Variants in LRRC4C observed in about 807,000 individuals in gnomAD.
LRRC4C encodes the protein leucine rich repeat containing 4C.
In LRRC4C, 5 loss-of-function variants were observed where a neutral mutation model predicts 33.6. The ratio of observed to expected loss-of-function variants is 0.15; its 90% CI spans 0.08 to 0.31. LRRC4C has a LOEUF of 0.31. Among genes scored for constraint, LRRC4C ranks in the 10% least tolerant of loss-of-function variants. The pLI is 1.00. For synonymous variants in LRRC4C, 329 were observed against 302.0 expected (o/e 1.09, Z -0.93); for missense variants, 560 against 796.7 (o/e 0.70, Z 3.58).
intron 5 of LRRC4C, among the ~76,000 whole-genome samples, chr11:40,221,856 C>A (rs928635335): frequency 6.6e-6 from 1 of 152,064 alleles, no homozygotes; most frequent in Non-Finnish European, 1.5e-5. Flanking sequence ...TCAAGTGCAC[C>A]CCCTTAGAGT....
At chr11:40,381,079 T>C (rs2137345208) in intron 3 of LRRC4C, among the ~76,000 whole-genome samples, 1 of 152,286 alleles carries the variant, frequency 6.6e-6, no homozygotes, top group Non-Finnish European at 1.5e-5. Flanking sequence ...TGGATGATTG[T>C]GCAATATACA....
At chr11:40,424,938 T>C (rs1950656984) in intron 3 of LRRC4C, among the ~76,000 whole-genome samples, 1 of 152,216 alleles carries the variant, frequency 6.6e-6, no homozygotes, top group South Asian at 2.1e-4. Flanking sequence ...ATAACAAATG[T>C]CAAAAAGCAA....
At chr11:40,449,162 G>T (rs1471618323) in intron 3 of LRRC4C, among the ~76,000 whole-genome samples, 1 of 151,990 alleles carries the variant, frequency 6.6e-6, no homozygotes, top group Non-Finnish European at 1.5e-5. Flanking sequence ...CAGATGGTTA[G>T]ATTGCAAAAA....
intron 5 of LRRC4C, among the ~76,000 whole-genome samples, chr11:40,239,533 C>A (rs1040365523): frequency 9.2e-5 from 14 of 152,142 alleles, no homozygotes; most frequent in Admixed American, 3.3e-4. Flanking sequence ...TTAAGACAAC[C>A]AATCACATAT....
At position 40,655,874 on chromosome 11, in the gene LRRC4C, T is replaced by C. The variant is rs148696453; in HGVS notation, c.-406-7596A>G. ...GACCTCAGGAAACTTACCATCATTGTGGAAGGTGGAGGGGAAGCTAGGCAA... is the reference window on the plus strand; with the variant it reads ...GACCTCAGGAAACTTACCATCATTGCGGAAGGTGGAGGGGAAGCTAGGCAA... On this transcript the variant is annotated intron_variant, in intron 2 of 6. Coordinates refer to ENST00000528697, the MANE Select transcript of LRRC4C (RefSeq NM_001258419.2). Among the ~76,000 whole-genome samples, 441 of 152,246 alleles carry C rather than the reference T, an allele frequency of 2.9e-3. 4 individuals carry two copies. The highest frequency in any genetic ancestry group is 0.01 in the African/African-American group (422 of 41,546).
At chr11:40,745,354 AT>A (rs769526522) in intron 2 of LRRC4C, among the ~76,000 whole-genome samples, 28 of 152,198 alleles carry the variant, frequency 1.8e-4, no homozygotes, top group Non-Finnish European at 3.2e-4. Flanking sequence ...ATGACAGACA[AT>A]GAGAGAGAAA....
intron 1 of LRRC4C, among the ~76,000 whole-genome samples, chr11:41,325,228 TG>T (rs1222815564): frequency 6.6e-6 from 1 of 152,184 alleles, no homozygotes; most frequent in African/African-American, 2.4e-5. Context: ...TCATGCTTCA[TG>T]CAAAATGTAT....
At chr11:40,463,428 C>T (rs16934865) in intron 3 of LRRC4C, among the ~76,000 whole-genome samples, 6,184 of 151,372 alleles carry the variant, frequency 0.041, 408 homozygotes, top group African/African-American at 0.14. Context: ...ACTATAGATA[C>T]TGAGTTTAAT....
intron 1 of LRRC4C, among the ~76,000 whole-genome samples, chr11:40,944,939 T>C (rs1385776841): frequency 6.6e-6 from 1 of 152,116 alleles, no homozygotes; most frequent in Non-Finnish European, 1.5e-5. Context: ...CATGCCACTA[T>C]GCAAGTTGAG....
At chr11:40,914,605 A>G (rs1956858972) in intron 2 of LRRC4C, among the ~76,000 whole-genome samples, 1 of 152,198 alleles carries the variant, frequency 6.6e-6, no homozygotes, top group African/African-American at 2.4e-5. Flanking sequence ...TGAATGGGCA[A>G]AAACTGGAAG....
At chr11:41,341,960 T>C (rs1164075155) in intron 1 of LRRC4C, among the ~76,000 whole-genome samples, 2 of 152,222 alleles carry the variant, frequency 1.3e-5, no homozygotes, top group African/African-American at 4.8e-5. Flanking sequence ...GAATTGACTG[T>C]ATGTTATCTA....
chr11:40,908,567 GA>G (rs1956530055), intron 2 of LRRC4C, among the ~76,000 whole-genome samples: 1 of 152,094 alleles, frequency 6.6e-6, no homozygotes, highest in South Asian at 2.1e-4. Flanking sequence ...AACCTCCGAA[GA>G]AGGTTCATTT....
chr11:40,166,214 T>A (rs576986609), intron 5 of LRRC4C, among the ~76,000 whole-genome samples: 11 of 152,214 alleles, frequency 7.2e-5, no homozygotes, highest in African/African-American at 2.6e-4. Context: ...ACTAGAAGTG[T>A]CCCAATCCCC....
chr11:40,966,212 CAT>C (rs1400394089), intron 1 of LRRC4C, among the ~76,000 whole-genome samples: 1 of 151,904 alleles, frequency 6.6e-6, no homozygotes, highest in Non-Finnish European at 1.5e-5. Context: ...TACAGTGCAA[CAT>C]GTCATGAAAG....
At chr11:40,868,744 T>A (rs1954490040) in intron 2 of LRRC4C, among the ~76,000 whole-genome samples, 1 of 152,186 alleles carries the variant, frequency 6.6e-6, no homozygotes, top group Admixed American at 6.6e-5. Flanking sequence ...CAATTAAAAA[T>A]GCTAGAAATG....
At chr11:40,137,143 C>T (rs191107567) in intron 6 of LRRC4C, among the ~76,000 whole-genome samples, 132 of 150,658 alleles carry the variant, frequency 8.8e-4, no homozygotes, top group African/African-American at 3.2e-3. Flanking sequence ...AACCTGTACA[C>T]CTATGTATGC....
chr11:41,200,049 T>C (rs1490092916), intron 1 of LRRC4C, among the ~76,000 whole-genome samples: 1 of 152,108 alleles, frequency 6.6e-6, no homozygotes, highest in African/African-American at 2.4e-5. Context: ...CCATGTTGTT[T>C]CTTGTGTGTC....
chr11:40,741,259 T>C (rs956428094), intron 2 of LRRC4C, among the ~76,000 whole-genome samples: 1 of 152,062 alleles, frequency 6.6e-6, no homozygotes, highest in African/African-American at 2.4e-5. Context: ...GGGAACTGAT[T>C]AGTTGTGTGT....
intron 3 of LRRC4C, among the ~76,000 whole-genome samples, chr11:40,402,460 G>A (rs930150893): frequency 6.6e-6 from 1 of 152,024 alleles, no homozygotes; most frequent in Non-Finnish European, 1.5e-5. Context: ...GTTTATTCAT[G>A]ACAAAATGGA....
Sources: allele counts gnomAD v4.1 joint callset (sites outside exome capture counted in the v4.1 genomes callset), GRCh38; gene constraint gnomAD v4.1.1; transcripts MANE v1.5; gene names NCBI Gene and HGNC (gene_info 2026-07-23, HGNC 2026-07-21).